The following AGPAT4 variants were observed in gnomAD, a reference collection of about 807,000 sequenced individuals.
AGPAT4 encodes the protein 1-acylglycerol-3-phosphate O-acyltransferase 4.
In AGPAT4, 15 loss-of-function variants were observed where a neutral mutation model predicts 48.0. That is an observed-to-expected ratio of 0.31 (90% CI 0.21 to 0.48). The LOEUF (loss-of-function observed/expected upper bound fraction) is 0.48. Among genes scored for constraint, AGPAT4 ranks in the 20% least tolerant of loss-of-function variants. The pLI is 0.99. For synonymous variants in AGPAT4, 178 were observed against 198.7 expected (o/e 0.90, Z 0.88); for missense variants, 314 against 482.5 (o/e 0.65, Z 3.27).
intron 2 of AGPAT4, among the ~76,000 whole-genome samples, chr6:161,205,462 A>T (rs1781354795): frequency 6.6e-6 from 1 of 152,204 alleles, no homozygotes; most frequent in Non-Finnish European, 1.5e-5. Flanking sequence ...AAAGGTCAAA[A>T]GCCTGAAAGA....
In AGPAT4 at chr6:161,166,462, G is replaced by C; in HGVS notation, c.179-45C>G. On this transcript the variant is annotated intron_variant, in intron 2 of 8. Coordinates refer to ENST00000320285, the MANE Select transcript of AGPAT4 (RefSeq NM_020133.3). This position sits in a 1 kb window ranked among gnomAD's most constrained non-coding sequence, Gnocchi z 6.7. ...ACAGATGTTTACTACATGCAGCCTT[G>C]TCCTGGGAGCCCTGCTGAGAGCAGG... 1 of 1,548,042 alleles carries C rather than the reference G, an allele frequency of 6.5e-7. No individual in the cohort carries two copies.
At chr6:161,253,845 G>T (rs556819571) in intron 1 of AGPAT4, among the ~76,000 whole-genome samples, 12 of 152,252 alleles carry the variant, frequency 7.9e-5, no homozygotes, top group Admixed American at 7.8e-4. Context: ...AAAGAGTATT[G>T]CTTTGGATGA....
At position 161,169,219 on chromosome 6, in the gene AGPAT4, G is replaced by C. The variant is rs1780198209; in HGVS notation, c.179-2802C>G. On this transcript the variant is annotated intron_variant, in intron 2 of 8. Coordinates refer to ENST00000320285, the MANE Select transcript of AGPAT4 (RefSeq NM_020133.3). The surrounding 1 kb of genome is among the most constrained non-coding windows in gnomAD (Gnocchi z 5.0). ...TCTAAAGGCAATATAAAAACCACTGGAGCATTTTTAAATAGACACACACCA... is the reference window on the plus strand; with the variant it reads ...TCTAAAGGCAATATAAAAACCACTGCAGCATTTTTAAATAGACACACACCA... Among the ~76,000 whole-genome samples the C allele has an allele frequency of 6.6e-6, 1 of 151,948 alleles. No homozygotes were observed. The highest frequency in any genetic ancestry group is 2.4e-5 in the African/African-American group (1 of 41,350).
At chr6:161,170,182 T>C (rs549371851) in intron 2 of AGPAT4, among the ~76,000 whole-genome samples, 1 of 152,232 alleles carries the variant, frequency 6.6e-6, no homozygotes, top group South Asian at 2.1e-4. Flanking sequence ...CCATCGCCCC[T>C]TCCTGACCGC....
chr6:161,208,929 A>G lies in AGPAT4; in HGVS notation c.178+23107T>C, dbSNP rs1291032085. On this transcript the variant is annotated intron_variant, in intron 2 of 8. Transcript: ENST00000320285. The surrounding 1 kb of genome is among the most constrained non-coding windows in gnomAD (Gnocchi z 4.6). ...ATCAGAACTACCATTGGGGAACACA[A>G]GCAAACCCACACCAGAAAGAGTCCC... 6.6e-6 allele frequency among the ~76,000 whole-genome samples: 1 copy of G among 152,244 alleles called. No individual in the cohort carries two copies. The highest frequency in any genetic ancestry group is 1.5e-5 in the Non-Finnish European group (1 of 68,040).
intron 3 of AGPAT4, among the ~76,000 whole-genome samples, chr6:161,163,518 G>A (rs373570968): frequency 1.8e-4 from 28 of 152,058 alleles, no homozygotes; most frequent in African/African-American, 5.8e-4. Context: ...CTCACCCACC[G>A]TCATGGGCCA....
At chr6:161,265,750 G>T (rs1047731418) in intron 1 of AGPAT4, among the ~76,000 whole-genome samples, 2 of 152,080 alleles carry the variant, frequency 1.3e-5, no homozygotes, top group African/African-American at 2.4e-5. Flanking sequence ...TGTGGAAGGG[G>T]TCCTATCAGG....
rs1320172839 is a variant in AGPAT4, at chr6:161,208,878, CA to C, written c.178+23157del. On this transcript the variant is annotated intron_variant, in intron 2 of 8. Coordinates refer to ENST00000320285, the MANE Select transcript of AGPAT4 (RefSeq NM_020133.3). The surrounding 1 kb of genome is among the most constrained non-coding windows in gnomAD (Gnocchi z 4.6). ...CACAGCTGCCTAACAGGAAAAAAAT[CA>C]TTAATAATCAGGTGAAACAATGTAA... Among the ~76,000 whole-genome samples the C allele has an allele frequency of 1.3e-5, 2 of 152,136 alleles. No individual in the cohort carries two copies. The highest frequency in any genetic ancestry group is 3.9e-4 in the East Asian group (2 of 5,188).
chr6:161,232,006 G>A lies in AGPAT4; in HGVS notation c.178+30C>T. ...TTCTGATACACACATCCACAATGGAGACGAAAATATAGAATCTTAAGTATC... is the reference window on the plus strand; with the variant it reads ...TTCTGATACACACATCCACAATGGAAACGAAAATATAGAATCTTAAGTATC... On this transcript the variant is annotated intron_variant, in intron 2 of 8. Transcript: ENST00000320285. The surrounding 1 kb of genome is among the most constrained non-coding windows in gnomAD (Gnocchi z 6.8). The A allele has an allele frequency of 6.2e-7, 1 of 1,606,970 alleles. No individual in the cohort carries two copies. Among genetic ancestry groups the A allele is most frequent in the Non-Finnish European group, 8.5e-7 (1 of 1,174,420 alleles).
At chr6:161,258,114 A>G (rs997310335) in intron 1 of AGPAT4, among the ~76,000 whole-genome samples, 2 of 152,208 alleles carry the variant, frequency 1.3e-5, no homozygotes, top group African/African-American at 2.4e-5. Context: ...ACACTTCTCA[A>G]CTTTTAAAAA....
rs894041628 is a variant in AGPAT4 at position 161,159,694 on chromosome 6, A to C, written c.349-5384T>G. Among the ~76,000 whole-genome samples, 1 of 152,166 alleles carries C rather than the reference A, an allele frequency of 6.6e-6. No homozygotes were observed. The highest frequency in any genetic ancestry group is 2.4e-5 in the African/African-American group (1 of 41,442). On this transcript the variant is annotated intron_variant, in intron 3 of 8. Transcript: ENST00000320285. The surrounding 1 kb of genome is among the most constrained non-coding windows in gnomAD (Gnocchi z 4.1). ...GTTTCACTCTTGTTGCCCAGGCTGG[A>C]GTGCAGTGGCACAATCTCAGCTCAC...
chr6:161,260,587 C>T (rs894802120), intron 1 of AGPAT4, among the ~76,000 whole-genome samples: 2 of 126,790 alleles, frequency 1.6e-5, no homozygotes, highest in East Asian at 2.7e-4. Flanking sequence ...ACCTGGGAGG[C>T]GGAGGTTGCA....
At position 161,161,811 on chromosome 6, in the gene AGPAT4, A is replaced by G. The variant is rs562113971; in HGVS notation, c.348+4437T>C. On this transcript the variant is annotated intron_variant, in intron 3 of 8. Transcript: ENST00000320285. This position sits in a 1 kb window ranked among gnomAD's most constrained non-coding sequence, Gnocchi z 4.6. ...GTATTTTGAAGGTATATCAATTGCT[A>G]TCGTTGTCATGATCGAAAATCCTTC... The G allele has an allele frequency of 7.2e-4, 206 of 284,908 alleles. 1 individual carries two copies. The highest frequency in any genetic ancestry group is 4.1e-3 in the African/African-American group (188 of 46,156). 17.6% of individuals were successfully genotyped at this position (284,908 alleles called of 1,614,324 possible). A position where few individuals can be genotyped will look rare whatever the true frequency, so the allele number is the denominator to read the frequency against.
Position 161,190,724 on chromosome 6 carries a change from T to C in AGPAT4, c.179-24307A>G, listed in dbSNP as rs147295762. ...CAATGGGAAAGAAAGACAAGCAATA[T>C]GCCAATATAGGTCTGAAGGAAAAAG... On this transcript the variant is annotated intron_variant, in intron 2 of 8. Coordinates refer to ENST00000320285, the MANE Select transcript of AGPAT4 (RefSeq NM_020133.3). Among the ~76,000 whole-genome samples the C allele has an allele frequency of 1.9e-4, 29 of 152,152 alleles. No homozygotes were observed. The East Asian group carries it at 5.4e-3, about 28-fold the overall frequency.
rs911470121 is a variant in AGPAT4 at position 161,243,025 on chromosome 6, T to A, written c.-89-10723A>T. 2.0e-5 allele frequency among the ~76,000 whole-genome samples: 3 copies of A among 152,220 alleles called. No individual in the cohort carries two copies. The highest frequency in any genetic ancestry group is 2.0e-4 in the Admixed American group (3 of 15,298). ...TTGCAGTGAGTGGAGATTGCGCCAC[T>A]GCACTCCAGCTTGGGCGACAGAGCC... On this transcript the variant is annotated intron_variant, in intron 1 of 8. Coordinates refer to ENST00000320285, the MANE Select transcript of AGPAT4 (RefSeq NM_020133.3). The surrounding 1 kb of genome is among the most constrained non-coding windows in gnomAD (Gnocchi z 4.8).
In AGPAT4 at chr6:161,141,224, T is replaced by C. The variant is rs1331087918; in HGVS notation, c.844-1604A>G. On this transcript the variant is annotated intron_variant, in intron 7 of 8. Coordinates refer to ENST00000320285, the MANE Select transcript of AGPAT4 (RefSeq NM_020133.3). This position sits in a 1 kb window ranked among gnomAD's most constrained non-coding sequence, Gnocchi z 6.7. ...TCTGTCCTCGGCCCCCTGCAGCCCA[T>C]TAACAAGCCTGGTCCGAAGCGTCAC... Among the ~76,000 whole-genome samples the C allele has an allele frequency of 6.6e-6, 1 of 152,038 alleles. No homozygotes were observed. The highest frequency in any genetic ancestry group is 1.5e-5 in the Non-Finnish European group (1 of 68,002).
Position 161,264,126 on chromosome 6 carries a change from A to T in AGPAT4, c.-90+9812T>A, listed in dbSNP as rs1190611707. The stretch of plus-strand genomic sequence containing the variant: ...TACAAAGTACATAAATGATCACCTT[A>T]TAAGGTGTAATATGATAAGTGACCA... On this transcript the variant is annotated intron_variant, in intron 1 of 8. Transcript: ENST00000320285. This position sits in a 1 kb window ranked among gnomAD's most constrained non-coding sequence, Gnocchi z 6.8. Among the ~76,000 whole-genome samples the T allele has an allele frequency of 6.6e-6, 1 of 152,230 alleles. No homozygotes were observed. The highest frequency in any genetic ancestry group is 1.5e-5 in the Non-Finnish European group (1 of 68,046).
chr6:161,273,326 C>T (rs965215733), intron 1 of AGPAT4, among the ~76,000 whole-genome samples: 19 of 152,234 alleles, frequency 1.2e-4, no homozygotes, highest in Non-Finnish European at 2.1e-4. Flanking sequence ...CCCACCCCTC[C>T]TGTGATAGGG....
chr6:161,210,185 T>C (rs9355339), intron 2 of AGPAT4, among the ~76,000 whole-genome samples: 22,646 of 152,168 alleles, frequency 0.15, 1,825 homozygotes, highest in South Asian at 0.2. Flanking sequence ...CCTTATACAA[T>C]CCTATGATAG....
Sources: allele counts gnomAD v4.1 joint callset (sites outside exome capture counted in the v4.1 genomes callset), GRCh38; gene constraint gnomAD v4.1.1; non-coding constraint Gnocchi (gnomAD v3.1); transcripts MANE v1.5; gene names NCBI Gene and HGNC (gene_info 2026-07-23, HGNC 2026-07-21).